SGCZ: variants seen among roughly 807,000 people sequenced by gnomAD.
SGCZ encodes sarcoglycan zeta.
In SGCZ, 40 loss-of-function variants were observed where a neutral mutation model predicts 41.3. That is an observed-to-expected ratio of 0.97 (90% CI 0.75 to 1.26). The LOEUF is 1.26. Ranked by LOEUF, SGCZ falls within the 50% of genes most tolerant of loss-of-function variation. The pLI is 0.00. For synonymous variants in SGCZ, 206 were observed against 137.5 expected (o/e 1.50, Z -3.49); for missense variants, 552 against 369.8 (o/e 1.49, Z -4.04).
intron 1 of SGCZ, among the ~76,000 whole-genome samples, chr8:15,068,587 G>A (rs1284344557): frequency 3.3e-5 from 5 of 152,136 alleles, no homozygotes; most frequent in Non-Finnish European, 1.5e-5. Flanking sequence ...AAATTTTAAT[G>A]TCAGTTTTAC....
chr8:14,443,086 A>G (rs186187402), intron 2 of SGCZ, among the ~76,000 whole-genome samples: 63 of 152,334 alleles, frequency 4.1e-4, no homozygotes, highest in African/African-American at 1.4e-3. Context: ...TAAAATACCT[A>G]GGAATCCAAC....
chr8:14,512,796 G>T (rs1330296175), intron 2 of SGCZ, among the ~76,000 whole-genome samples: 1 of 151,928 alleles, frequency 6.6e-6, no homozygotes, highest in Non-Finnish European at 1.5e-5. Flanking sequence ...TAGAGTTTTA[G>T]AATTTAAGAA....
At chr8:14,233,170 A>G (rs1212496398) in intron 4 of SGCZ, among the ~76,000 whole-genome samples, 1 of 151,984 alleles carries the variant, frequency 6.6e-6, no homozygotes, top group African/African-American at 2.4e-5. Context: ...TCCTCCTTTC[A>G]TTTTTATCCT....
intron 1 of SGCZ, among the ~76,000 whole-genome samples, chr8:14,857,854 A>T (rs1803596015): frequency 6.6e-6 from 1 of 152,178 alleles, no homozygotes; most frequent in Admixed American, 6.5e-5. Context: ...TGACAGAGCA[A>T]GACTCTGTCT....
chr8:14,600,139 A>G (rs1002888155), intron 1 of SGCZ, among the ~76,000 whole-genome samples: 1 of 151,960 alleles, frequency 6.6e-6, no homozygotes, highest in African/African-American at 2.4e-5. Context: ...TCCTTCTTCC[A>G]TGGTTTCTTT....
intron 1 of SGCZ, among the ~76,000 whole-genome samples, chr8:15,078,612 A>G (rs550027997): frequency 8.5e-4 from 129 of 152,194 alleles, no homozygotes; most frequent in African/African-American, 3.0e-3. Flanking sequence ...TGGTCTGTTT[A>G]CAATTATCTC....
At chr8:14,285,949 T>C (rs1585320411) in intron 3 of SGCZ, among the ~76,000 whole-genome samples, 1 of 152,240 alleles carries the variant, frequency 6.6e-6, no homozygotes, top group East Asian at 1.9e-4. Flanking sequence ...GAAACACATA[T>C]GTTTTTGGTT....
At position 14,756,524 on chromosome 8, in the gene SGCZ, G is replaced by A. The variant is rs577440028; in HGVS notation, c.40-201598C>T. 7.9e-5 allele frequency among the ~76,000 whole-genome samples: 12 copies of A among 152,202 alleles called. No individual in the cohort carries two copies. In the South Asian group the frequency reaches 2.5e-3, roughly 32 times the overall value. On this transcript the variant is annotated intron_variant, in intron 1 of 7. Transcript: ENST00000382080. Reference sequence around the variant, plus strand: ...TTGTTTCTTGTTCCCTTTTCCCACAGTACTCTGCAGATGACTCTAATATGT... The same window carrying A: ...TTGTTTCTTGTTCCCTTTTCCCACAATACTCTGCAGATGACTCTAATATGT...
At chr8:14,712,579 G>C (rs1809555895) in intron 1 of SGCZ, among the ~76,000 whole-genome samples, 1 of 152,138 alleles carries the variant, frequency 6.6e-6, no homozygotes, top group African/African-American at 2.4e-5. Context: ...TGGTATCTCT[G>C]AGATGGAAGC....
At chr8:14,949,974 C>G (rs896568300) in intron 1 of SGCZ, among the ~76,000 whole-genome samples, 6 of 151,768 alleles carry the variant, frequency 4.0e-5, no homozygotes, top group Non-Finnish European at 7.4e-5. Context: ...TAAGAGTAAC[C>G]AATAATAAAA....
chr8:14,626,440 T>G (rs745427134), intron 1 of SGCZ, among the ~76,000 whole-genome samples: 16 of 152,254 alleles, frequency 1.1e-4, no homozygotes, highest in Non-Finnish European at 1.5e-4. Flanking sequence ...ATTTGTTCTT[T>G]GAACAAATAT....
intron 4 of SGCZ, among the ~76,000 whole-genome samples, chr8:14,202,803 C>A (rs779324894): frequency 2.0e-5 from 3 of 152,090 alleles, no homozygotes; most frequent in Non-Finnish European, 4.4e-5. Context: ...CAGAAAAGTG[C>A]ATTTACCTAA....
At chr8:15,045,162 A>C (rs1804256590) in intron 1 of SGCZ, among the ~76,000 whole-genome samples, 1 of 152,038 alleles carries the variant, frequency 6.6e-6, no homozygotes, top group African/African-American at 2.4e-5. Context: ...CAACCAGAGG[A>C]AGAAATACAC....
chr8:15,022,525 G>T (rs567017597), intron 1 of SGCZ, among the ~76,000 whole-genome samples: 1 of 152,096 alleles, frequency 6.6e-6, no homozygotes, highest in East Asian at 1.9e-4. Flanking sequence ...TGTATTTTTA[G>T]CAGAGACGGG....
At chr8:14,987,598 A>T (rs1801866360) in intron 1 of SGCZ, among the ~76,000 whole-genome samples, 1 of 151,956 alleles carries the variant, frequency 6.6e-6, no homozygotes, top group South Asian at 2.1e-4. Context: ...TTCCACTTAC[A>T]TACCCAGTCA....
intron 1 of SGCZ, among the ~76,000 whole-genome samples, chr8:14,930,828 A>G (rs1391802041): frequency 6.6e-6 from 1 of 151,860 alleles, no homozygotes; most frequent in Non-Finnish European, 1.5e-5. Context: ...AGGGCTTGTC[A>G]GAGGGGTGAG....
chr8:14,666,308 T>A (rs13270646), intron 1 of SGCZ, among the ~76,000 whole-genome samples: 2 of 151,910 alleles, frequency 1.3e-5, no homozygotes, highest in African/African-American at 4.8e-5. Context: ...GCTATTTTCA[T>A]CAATTACTCA....
At chr8:14,771,054 G>C (rs371254003) in intron 1 of SGCZ, among the ~76,000 whole-genome samples, 3 of 152,110 alleles carry the variant, frequency 2.0e-5, no homozygotes, top group East Asian at 3.9e-4. Context: ...AGAGAGAAAA[G>C]GTCAAGAAAA....
At chr8:14,574,785 A>T (rs1772313840) in intron 1 of SGCZ, among the ~76,000 whole-genome samples, 1 of 152,200 alleles carries the variant, frequency 6.6e-6, no homozygotes, top group Admixed American at 6.5e-5. Flanking sequence ...TATCATGGGA[A>T]GGAAAGAATT....
Sources: allele counts gnomAD v4.1 joint callset (sites outside exome capture counted in the v4.1 genomes callset), GRCh38; gene constraint gnomAD v4.1.1; transcripts MANE v1.5; gene names NCBI Gene and HGNC (gene_info 2026-07-23, HGNC 2026-07-21).